SNF8: variants seen among roughly 807,000 people sequenced by gnomAD.
The protein encoded by SNF8 is vacuolar-sorting protein SNF8.
Under a neutral mutation model 36.8 loss-of-function variants are expected in SNF8, and 19 were observed. The ratio of observed to expected loss-of-function variants is 0.52; its 90% confidence interval spans 0.36 to 0.76. The LOEUF (loss-of-function observed/expected upper bound fraction) is 0.76, where lower values mean the gene tolerates loss of function less well. SNF8 is among the 30% of genes least tolerant of loss of function. SNF8 has a pLI of 0.00. For missense variants in SNF8, 268 were observed against 322.9 expected (o/e 0.83, Z 1.30); for synonymous variants, 127 against 127.4 (o/e 1.00, Z 0.02).
chr17:48,943,710 C>G (rs1488391447), intron 2 of SNF8, among the ~76,000 whole-genome samples: 3 of 152,142 alleles, frequency 2.0e-5, no homozygotes, highest in Non-Finnish European at 4.4e-5. Context: ...AGAAAATAGA[C>G]AAATGCCTGG....
chr17:48,929,671 G>T lies in SNF8; in HGVS notation c.*804C>A, dbSNP rs948019683. 1 of 152,142 alleles carries T rather than the reference G, an allele frequency of 6.6e-6. No homozygotes were observed. The highest frequency in any genetic ancestry group is 1.5e-5 in the Non-Finnish European group (1 of 68,042). The allele number at this position is 152,142 out of a possible 1,614,324, so 9.4% of individuals were successfully genotyped here. ...ATGAAGGCATGGGCTCGGGTTAATA[G>T]GCCTAGGCACCAGCTTTAGCTCGGC... On this transcript the variant is annotated 3_prime_UTR_variant, in exon 8 of 8. Coordinates refer to ENST00000502492, the MANE Select transcript of SNF8 (RefSeq NM_007241.4).
At position 48,930,385 on chromosome 17, in the gene SNF8, T is replaced by C. The variant is rs746219696; in HGVS notation, c.*90A>G. On this transcript the variant is annotated 3_prime_UTR_variant, in exon 8 of 8. Coordinates refer to ENST00000502492, the MANE Select transcript of SNF8 (RefSeq NM_007241.4). The stretch of plus-strand genomic sequence containing the variant: ...GAAGAAAGAAAAACTTGGAACTTTT[T>C]TTCTATTTTTTGTATAAACAAAATT... 2.3e-4 allele frequency: 302 copies of C among 1,324,194 alleles called. 1 individual carries two copies. The highest frequency in any genetic ancestry group is 2.9e-4 in the Non-Finnish European group (295 of 1,018,990). 82.0% of individuals were successfully genotyped at this position (1,324,194 alleles called of 1,614,324 possible).
chr17:48,937,250 C>A, intron 3 of SNF8, 126 bp from the exon 4 acceptor site: 1 of 781,370 alleles, frequency 1.3e-6, no homozygotes. Context: ...TCTTCTGCTC[C>A]ATCTGCTACT....
intron 2 of SNF8, among the ~76,000 whole-genome samples, chr17:48,943,279 G>A (rs1334568738): frequency 6.6e-6 from 1 of 151,230 alleles, no homozygotes; most frequent in Admixed American, 6.6e-5. Flanking sequence ...AGACCAGCCT[G>A]GTCAATATGG....
Position 48,941,052 on chromosome 17 carries a change from T to C in SNF8, c.116A>G (p.Gln39Arg). The C allele has an allele frequency of 1.2e-6, 2 of 1,613,864 alleles. No homozygotes were observed. The highest frequency in any genetic ancestry group is 1.7e-6 in the Non-Finnish European group (2 of 1,179,930). The change falls in exon 3 of 8, where the codon CAG becomes CGG. Residue 39 changes from glutamine (Q) to arginine (R), a missense_variant. Physicochemically the swap from Gln to Arg is conservative, Grantham distance 43. Transcript: ENST00000502492. ...CAGGTTGGTCTTGAACATGTCCAAC[T>C]GCTTTGACATCTGTTGGATGGACAG... ...AEDQLAQMSK[Q>R]LDMFKTNLEE...
chr17:48,938,493 T>C (rs1363015242), intron 3 of SNF8, among the ~76,000 whole-genome samples: 1 of 57,660 alleles, frequency 1.7e-5, no homozygotes, highest in Non-Finnish European at 4.0e-5. Flanking sequence ...CAAAACTCCA[T>C]CTCAAAAAAA....
intron 2 of SNF8, among the ~76,000 whole-genome samples, chr17:48,943,000 G>A (rs1034049905): frequency 6.6e-6 from 1 of 151,832 alleles, no homozygotes; most frequent in Non-Finnish European, 1.5e-5. Context: ...CCAGTAGCTG[G>A]GACTACAGGA....
At chr17:48,932,172 G>A (rs2040869070) in intron 6 of SNF8, 2 of 153,986 alleles carry the variant, frequency 1.3e-5, no homozygotes, top group Admixed American at 6.5e-5. Context: ...GTGAGCCGGA[G>A]ATTGCACCAC....
chr17:48,936,031 GTT>G (rs59383380), intron 5 of SNF8, 137 bp downstream of exon 5: 17 of 492,540 alleles, frequency 3.5e-5, no homozygotes, highest in Admixed American at 1.1e-4. Context: ...TTTGTTTTTT[GTT>G]TTTTTTTTTC....
intron 2 of SNF8, among the ~76,000 whole-genome samples, chr17:48,941,679 C>T (rs1436968735): frequency 1.4e-5 from 2 of 141,568 alleles, no homozygotes; most frequent in African/African-American, 4.9e-5. Context: ...CTGTCTCAAT[C>T]AATCAATATT....
In SNF8 at chr17:48,930,589, CA is replaced by C; in HGVS notation, c.662del (p.Leu221TrpfsTer105). 1 of 1,613,864 alleles carries C rather than the reference CA, an allele frequency of 6.2e-7. No individual in the cohort carries two copies. Among genetic ancestry groups the C allele is most frequent in the Non-Finnish European group, 8.5e-7 (1 of 1,179,930 alleles). ...QVLEHLLKEG[L>X]AWLDLQAPGE... is the part of the protein sequence containing the mutation. ...CTGGGGCCTGTAAGTCCAGCCACGC[CA>C]ACCCTTCCTTCAGCAGGTGTTCCTG... On this transcript the variant is annotated frameshift_variant, in exon 8 of 8. Transcript: ENST00000502492. LOFTEE classifies it high-confidence loss of function.
At chr17:48,937,301 A>G (rs2040949281) in intron 3 of SNF8, 177 bp from the exon 4 acceptor site, 2 of 702,898 alleles carry the variant, frequency 2.8e-6, no homozygotes, top group Non-Finnish European at 5.2e-6. Context: ...GCTGAAGAAC[A>G]GGGTCAGACG....
chr17:48,943,014 C>T (rs1480794823), intron 2 of SNF8, among the ~76,000 whole-genome samples: 3 of 151,842 alleles, frequency 2.0e-5, no homozygotes, highest in African/African-American at 7.3e-5. Flanking sequence ...TACAGGAGCC[C>T]GCCACCACGC....
At chr17:48,943,291 G>A (rs1294150527) in intron 2 of SNF8, among the ~76,000 whole-genome samples, 1 of 150,758 alleles carries the variant, frequency 6.6e-6, no homozygotes, top group African/African-American at 2.4e-5. Context: ...TCAATATGGC[G>A]AAACCCTGCC....
chr17:48,937,293 T>C (rs1406421891), intron 3 of SNF8, 169 bp from the exon 4 acceptor site: 3 of 707,018 alleles, frequency 4.2e-6, no homozygotes, highest in Non-Finnish European at 7.7e-6. Context: ...TAACTCCTGC[T>C]GAAGAACAGG....
chr17:48,939,282 A>C lies in SNF8; in HGVS notation c.244+1642T>G, dbSNP rs1413130755. The stretch of plus-strand genomic sequence containing the variant: ...TCTGTCTCAAGAAAAAAAAAAAAAA[A>C]AACACTGGGGCCAGGCACGGTGACT... On this transcript the variant is annotated intron_variant, in intron 3 of 7. Coordinates refer to ENST00000502492, the MANE Select transcript of SNF8 (RefSeq NM_007241.4). Among the ~76,000 whole-genome samples, 16 of 150,832 alleles carry C rather than the reference A, an allele frequency of 1.1e-4. 1 individual carries two copies. Among genetic ancestry groups the C allele is most frequent in the Admixed American group, 9.9e-4 (15 of 15,140 alleles).
At chr17:48,938,477 CAA>C (rs1254681990) in intron 3 of SNF8, among the ~76,000 whole-genome samples, 4 of 110,368 alleles carry the variant, frequency 3.6e-5, no homozygotes, top group East Asian at 2.5e-4. Context: ...GCCTGGGAAT[CAA>C]GAGCAAAACT....
chr17:48,931,035 C>A lies in SNF8; in HGVS notation c.640-423G>T, dbSNP rs1185285041. On this transcript the variant is annotated intron_variant, in intron 7 of 7. Transcript: ENST00000502492. ...TACTTATGCAAGAATAGACTCAGTT[C>A]CTAGAGCTGGAAATAATATGCTCAA... 2.0e-5 allele frequency among the ~76,000 whole-genome samples: 3 copies of A among 152,242 alleles called. No individual in the cohort carries two copies. The East Asian group carries it at 5.8e-4, about 29-fold the overall frequency.
Position 48,938,287 on chromosome 17 carries a change from AG to A in SNF8, c.245-1164del, listed in dbSNP as rs527661166. ...AGAGGCAGGCGGATCACCTGAGGTC[AG>A]GAGTTCGAGAACAGCCTGACCAACA... On this transcript the variant is annotated intron_variant, in intron 3 of 7. Coordinates refer to ENST00000502492, the MANE Select transcript of SNF8 (RefSeq NM_007241.4). Among the ~76,000 whole-genome samples, 296 of 150,662 alleles carry A rather than the reference AG, an allele frequency of 2.0e-3. 1 individual carries two copies. The highest frequency in any genetic ancestry group is 7.0e-3 in the African/African-American group (288 of 41,044).
Sources: allele counts gnomAD v4.1 joint callset (sites outside exome capture counted in the v4.1 genomes callset), GRCh38; gene constraint gnomAD v4.1.1; transcripts MANE v1.5; gene names NCBI Gene and HGNC (gene_info 2026-07-23, HGNC 2026-07-21).